Variants in BEND4 observed in about 807,000 individuals in gnomAD.
BEND4 encodes the protein BEN domain containing 4, also known as BEN domain-containing protein 4.
BEND4 carries 27 observed loss-of-function variants against 54.7 expected under a neutral mutation model. The ratio of observed to expected loss-of-function variants is 0.49; its 90% confidence interval spans 0.36 to 0.68. The LOEUF (loss-of-function observed/expected upper bound fraction) is 0.68. Ranked by LOEUF, BEND4 falls within the 30% of genes least tolerant of loss-of-function variation. The pLI is 0.00. For synonymous variants in BEND4, 327 were observed against 299.5 expected, an observed-to-expected ratio of 1.09 and a Z score of -0.95; for missense variants, 702 against 697.2, an observed-to-expected ratio of 1.01 and a Z score of -0.08.
chr4:42,118,986 G>A (rs912221176), intron 5 of BEND4, among the ~76,000 whole-genome samples: 1 of 152,164 alleles, frequency 6.6e-6, no homozygotes, highest in African/African-American at 2.4e-5. Flanking sequence ...GGCCATGTGT[G>A]CATACGCCCC....
intron 3 of BEND4, among the ~76,000 whole-genome samples, chr4:42,131,053 C>T (rs1720489361): frequency 6.6e-6 from 1 of 152,030 alleles, no homozygotes; most frequent in African/African-American, 2.4e-5. Flanking sequence ...ACAATACACA[C>T]TGGGGCCTAT....
At chr4:42,141,147 G>T (rs965901929) in intron 3 of BEND4, among the ~76,000 whole-genome samples, 1 of 152,068 alleles carries the variant, frequency 6.6e-6, no homozygotes, top group Non-Finnish European at 1.5e-5. Flanking sequence ...TGCCTGGCGT[G>T]GGAAAACACT....
intron 5 of BEND4, among the ~76,000 whole-genome samples, chr4:42,118,168 G>A (rs1489509497): frequency 2.6e-5 from 4 of 152,140 alleles, no homozygotes; most frequent in African/African-American, 9.7e-5. Context: ...CTAATTTGAA[G>A]ATAGAGTACA....
chr4:42,131,943 CTT>C (rs998582000), intron 3 of BEND4, among the ~76,000 whole-genome samples: 1 of 152,154 alleles, frequency 6.6e-6, no homozygotes, highest in African/African-American at 2.4e-5. Context: ...GAAAATCACT[CTT>C]GACTGGGGGC....
At position 42,110,951 on chromosome 4, in the gene BEND4, G is replaced by A. The variant is rs1719536025; in HGVS notation, c.*6567C>T. On this transcript the variant is annotated 3_prime_UTR_variant, in exon 6 of 6. Coordinates refer to ENST00000502486, the MANE Select transcript of BEND4 (RefSeq NM_207406.4). ...AAGTTAAAACACTTAACAGAGACTTGACATTTATTGTGCAATTTTATCCCC... is the reference window on the plus strand; with the variant it reads ...AAGTTAAAACACTTAACAGAGACTTAACATTTATTGTGCAATTTTATCCCC... 6.6e-6 allele frequency: 1 copy of A among 152,164 alleles called. No homozygotes were observed. The highest frequency in any genetic ancestry group is 1.9e-4 in the East Asian group (1 of 5,196). The allele number at this position is 152,164 out of a possible 1,614,324, so 9.4% of individuals were successfully genotyped here. A position where few individuals can be genotyped will look rare whatever the true frequency, so the allele number is the denominator to read the frequency against.
chr4:42,119,958 A>G, intron 5 of BEND4, 96 bp downstream of exon 5: 1 of 1,493,450 alleles, frequency 6.7e-7, no homozygotes, highest in Non-Finnish European at 9.3e-7. Flanking sequence ...GAAAGAAATC[A>G]AAATACAGAA....
rs1224595131 is a variant in BEND4, at chr4:42,151,717, C to A, written c.427G>T (p.Ala143Ser). Reference protein sequence around the residue: ...AAVVRYGPGAAAAAGTGGTGS... With the variant: ...AAVVRYGPGASAAAGTGGTGS... ...GTGCCGCCGGTGCCGGCGGCCGCCG[C>A]CGCGCCTGGGCCATACCTGACGACA... The change falls in exon 2 of 6, where the codon GCG becomes TCG. Residue 143 changes from alanine (A) to serine (S), a missense_variant. Physicochemically the swap from Ala to Ser is moderately conservative, Grantham distance 99 (BLOSUM62 1). Coordinates refer to ENST00000502486, the MANE Select transcript of BEND4 (RefSeq NM_207406.4). 1.3e-6 allele frequency: 2 copies of A among 1,503,920 alleles called. No homozygotes were observed. The highest frequency in any genetic ancestry group is 4.4e-5 in the Admixed American group (2 of 45,750). The allele number at this position is 1,503,920 out of a possible 1,614,324, so 93.2% of individuals were successfully genotyped here. A position where few individuals can be genotyped will look rare whatever the true frequency, so the allele number is the denominator to read the frequency against.
At chr4:42,142,039 G>A (rs1052912462) in intron 3 of BEND4, among the ~76,000 whole-genome samples, 3 of 151,688 alleles carry the variant, frequency 2.0e-5, no homozygotes, top group Non-Finnish European at 2.9e-5. Flanking sequence ...GAGTAGCTGG[G>A]ACTACAGGCA....
Position 42,113,138 on chromosome 4 carries a change from A to AG in BEND4, c.*4379dup, listed in dbSNP as rs1003114724. On this transcript the variant is annotated 3_prime_UTR_variant, in exon 6 of 6. Transcript: ENST00000502486. ...CGTGTTGCCACATTAAACATACACC[A>AG]GCAAGACTTGCACCATATGTGCAAA... 14 of 152,372 alleles carry AG rather than the reference A, an allele frequency of 9.2e-5. No individual in the cohort carries two copies. Among genetic ancestry groups the AG allele is most frequent in the Admixed American group, 2.0e-4 (3 of 15,306 alleles). The allele number at this position is 152,372 out of a possible 1,614,324, so 9.4% of individuals were successfully genotyped here.
chr4:42,138,735 TCCTC>T (rs1482610536), intron 3 of BEND4, among the ~76,000 whole-genome samples: 1 of 152,132 alleles, frequency 6.6e-6, no homozygotes, highest in Non-Finnish European at 1.5e-5. Context: ...AATAAACAGA[TCCTC>T]CCTATATTTG....
At chr4:42,137,977 C>A (rs1175147551) in intron 3 of BEND4, among the ~76,000 whole-genome samples, 1 of 151,940 alleles carries the variant, frequency 6.6e-6, no homozygotes, top group Non-Finnish European at 1.5e-5. Flanking sequence ...AAAAGGAAAC[C>A]CTTGTACACC....
intron 2 of BEND4, among the ~76,000 whole-genome samples, chr4:42,144,743 G>T (rs753761816): frequency 1.3e-5 from 2 of 152,164 alleles, no homozygotes; most frequent in Non-Finnish European, 2.9e-5. Flanking sequence ...AATGGCACGA[G>T]GCATGGGTGC....
Position 42,120,144 on chromosome 4 carries a change from C to T in BEND4, c.1297G>A (p.Gly433Ser), listed in dbSNP as rs779411414. The T allele has an allele frequency of 6.2e-7, 1 of 1,613,942 alleles. No individual in the cohort carries two copies. The highest frequency in any genetic ancestry group is 8.5e-7 in the Non-Finnish European group (1 of 1,179,880). The change falls in exon 5 of 6, where the codon GGC (glycine) becomes AGC (serine). Residue 433 changes from glycine (G) to serine (S), a missense_variant. Transcript: ENST00000502486. ...ACTGACCTTTTCCTTTTCCCAAGGC[C>T]GCATGAGTACTTAAGCTCATCGGTT... is the stretch of plus-strand genomic sequence containing the variant. ...FTTDELKYSCGLGKRKRSVQS... is the reference protein window; with the variant it reads ...FTTDELKYSCSLGKRKRSVQS...
Position 42,151,862 on chromosome 4 carries a change from G to A in BEND4, c.282C>T (p.Ala94=), listed in dbSNP as rs1316684817. 2.8e-5 allele frequency: 37 copies of A among 1,318,384 alleles called. No individual in the cohort carries two copies. Among genetic ancestry groups the A allele is most frequent in the Admixed American group, 1.3e-4 (3 of 23,982 alleles). The allele number at this position is 1,318,384 out of a possible 1,614,324, so 81.7% of individuals were successfully genotyped here. The part of the protein sequence containing the change: ...SSYPPGPGRA[A]AAASSSSPSC... Reference sequence around the variant, plus strand: ...ACGGCGACGACGACGAAGCGGCGGCGGCGGCCCGGCCGGGCCCGGGGGGGT... The same window carrying A: ...ACGGCGACGACGACGAAGCGGCGGCAGCGGCCCGGCCGGGCCCGGGGGGGT... The change falls in exon 2 of 6, where the codon GCC becomes GCT. Residue 94 remains alanine, a synonymous_variant. Coordinates refer to ENST00000502486, the MANE Select transcript of BEND4 (RefSeq NM_207406.4).
chr4:42,134,611 A>AT (rs1720629877), intron 3 of BEND4, among the ~76,000 whole-genome samples: 1 of 152,218 alleles, frequency 6.6e-6, no homozygotes, highest in Non-Finnish European at 1.5e-5. Flanking sequence ...GCCTCTCTTC[A>AT]TATCAGGACA....
At chr4:42,128,937 C>G (rs900717988) in intron 3 of BEND4, among the ~76,000 whole-genome samples, 2 of 148,662 alleles carry the variant, frequency 1.3e-5, no homozygotes, top group Non-Finnish European at 3.0e-5. Context: ...CTCCATCTCC[C>G]AAAAAAAAAG....
intron 3 of BEND4, among the ~76,000 whole-genome samples, chr4:42,130,594 A>C (rs1203297601): frequency 6.6e-6 from 1 of 152,170 alleles, no homozygotes; most frequent in African/African-American, 2.4e-5. Context: ...GAGAAACAGA[A>C]ACGTTTTTAC....
At chr4:42,119,395 G>C (rs2343617) in intron 5 of BEND4, among the ~76,000 whole-genome samples, 49,907 of 151,914 alleles carry the variant, frequency 0.33, 10,412 homozygotes, top group African/African-American at 0.6. Flanking sequence ...ATTTGTCTAG[G>C]TCTGTATTTG....
intron 3 of BEND4, among the ~76,000 whole-genome samples, chr4:42,127,158 T>C (rs998202849): frequency 1.3e-5 from 2 of 152,186 alleles, no homozygotes; most frequent in African/African-American, 2.4e-5. Context: ...GACATCACAA[T>C]GTAACATAAT....
Sources: allele counts gnomAD v4.1 joint callset (sites outside exome capture counted in the v4.1 genomes callset), GRCh38; gene constraint gnomAD v4.1.1; transcripts MANE v1.5; gene names NCBI Gene and HGNC (gene_info 2026-07-23, HGNC 2026-07-21).